DYNC2H1: variants seen among roughly 807,000 people sequenced by gnomAD.
DYNC2H1 encodes dynein cytoplasmic 2 heavy chain 1.
DYNC2H1 carries 410 observed loss-of-function variants against 570.0 expected under a neutral mutation model. The ratio of observed to expected loss-of-function variants is 0.72; its 90% CI spans 0.66 to 0.78. DYNC2H1 has a LOEUF of 0.78. DYNC2H1 is among the 30% of genes least tolerant of loss of function. The pLI, the probability that DYNC2H1 is intolerant of heterozygous loss-of-function variation, is 0.00. For missense variants in DYNC2H1, 4,865 were observed against 5,046.4 expected, an observed-to-expected ratio of 0.96 and a Z score of 1.09; for synonymous variants, 1,688 against 1,677.6, an observed-to-expected ratio of 1.01 and a Z score of -0.15.
chr11:103,360,317 G>A (rs772706063), intron 83 of DYNC2H1, among the ~76,000 whole-genome samples: 7 of 152,040 alleles, frequency 4.6e-5, no homozygotes, highest in South Asian at 2.1e-4. Flanking sequence ...AGCCAGACCG[G>A]TGGGGTTCAA....
intron 18 of DYNC2H1, among the ~76,000 whole-genome samples, chr11:103,146,688 T>C (rs2134846855): frequency 6.6e-6 from 1 of 151,498 alleles, no homozygotes; most frequent in African/African-American, 2.4e-5. Flanking sequence ...CTGCAACCCC[T>C]GCCTTCTGGG....
At chr11:103,374,972 A>T in intron 83 of DYNC2H1, among the ~76,000 whole-genome samples, 1 of 152,206 alleles carries the variant, frequency 6.6e-6, no homozygotes, top group East Asian at 1.9e-4. Context: ...AGAGACCTTC[A>T]TGGCAGCCCC....
At chr11:103,251,390 TTTTG>T (rs1166149495) in intron 65 of DYNC2H1, among the ~76,000 whole-genome samples, 1 of 145,436 alleles carries the variant, frequency 6.9e-6, no homozygotes, top group Non-Finnish European at 1.5e-5. Flanking sequence ...CTTTCAACTT[TTTTG>T]TTGGGTTTTT....
At chr11:103,346,775 A>G (rs572549473) in intron 82 of DYNC2H1, among the ~76,000 whole-genome samples, 57 of 152,322 alleles carry the variant, frequency 3.7e-4, no homozygotes, top group African/African-American at 1.3e-3. Context: ...AAAAGTTGAT[A>G]CAACTCTTCC....
intron 84 of DYNC2H1, chr11:103,402,063 G>A (rs1366705916): frequency 6.6e-6 from 1 of 152,118 alleles, no homozygotes; most frequent in East Asian, 1.9e-4. Flanking sequence ...AGATTTATAG[G>A]AGGGTGAAGT....
At chr11:103,473,470 C>G (rs1285125505) in intron 88 of DYNC2H1, among the ~76,000 whole-genome samples, 1 of 151,996 alleles carries the variant, frequency 6.6e-6, no homozygotes, top group African/African-American at 2.4e-5. Flanking sequence ...TTAGCTTTTT[C>G]CAGTGCATTT....
At chr11:103,190,577 T>C (rs927742496) in intron 45 of DYNC2H1, among the ~76,000 whole-genome samples, 6 of 152,148 alleles carry the variant, frequency 3.9e-5, no homozygotes, top group Admixed American at 3.9e-4. Flanking sequence ...TCTTCTTAGA[T>C]AAAGGGAATA....
chr11:103,245,960 C>T lies in DYNC2H1; in HGVS notation c.10042+586C>T, dbSNP rs1014968352. 6.6e-6 allele frequency among the ~76,000 whole-genome samples: 1 copy of T among 152,056 alleles called. No homozygotes were observed. Among genetic ancestry groups the T allele is most frequent in the Non-Finnish European group, 1.5e-5 (1 of 67,982 alleles). ...TACGTACGTGAATGTATGCCACATA[C>T]GTTGCTAGCACAGCAAACTTTAAAT... On this transcript the variant is annotated intron_variant, in intron 65 of 88. Coordinates refer to ENST00000375735, the MANE Select transcript of DYNC2H1 (RefSeq NM_001377.3). This position sits in a 1 kb window ranked among gnomAD's most constrained non-coding sequence, Gnocchi z 4.5.
intron 83 of DYNC2H1, among the ~76,000 whole-genome samples, chr11:103,371,365 A>G (rs1192858865): frequency 6.6e-6 from 1 of 152,190 alleles, no homozygotes; most frequent in Admixed American, 6.5e-5. Context: ...AGGTAGAGAA[A>G]GAGATAGAGG....
chr11:103,408,386 A>T (rs1390087216), intron 84 of DYNC2H1: 1 of 152,060 alleles, frequency 6.6e-6, no homozygotes, highest in Non-Finnish European at 1.5e-5. Flanking sequence ...TATTGTTAAG[A>T]AGAGGAGTTG....
At chr11:103,409,586 C>T (rs117342740) in intron 84 of DYNC2H1, 3,005 of 152,456 alleles carry the variant, frequency 0.02, 43 homozygotes, top group Non-Finnish European at 0.032. Flanking sequence ...GGTACGTAGA[C>T]GGCTAGGCTT....
At position 103,334,002 on chromosome 11, in the gene DYNC2H1, C is replaced by T. The variant is rs1938976898; in HGVS notation, c.12039+10012C>T. On this transcript the variant is annotated intron_variant, in intron 82 of 88. Transcript: ENST00000375735. The surrounding 1 kb of genome is among the most constrained non-coding windows in gnomAD (Gnocchi z 4.3). Reference sequence around the variant, plus strand: ...TTTAAATGTTTGCATTTGTTAATAACGATTCAGTGATGGCACATTCTCTAG... The same window carrying T: ...TTTAAATGTTTGCATTTGTTAATAATGATTCAGTGATGGCACATTCTCTAG... Among the ~76,000 whole-genome samples, 1 of 151,920 alleles carries T rather than the reference C, an allele frequency of 6.6e-6. No homozygotes were observed. Among genetic ancestry groups the T allele is most frequent in the South Asian group, 2.1e-4 (1 of 4,824 alleles).
intron 70 of DYNC2H1, among the ~76,000 whole-genome samples, chr11:103,266,259 T>G (rs1344375913): frequency 6.6e-6 from 1 of 151,922 alleles, no homozygotes; most frequent in Non-Finnish European, 1.5e-5. Flanking sequence ...CCTTTCTGCT[T>G]GCATTAACCA....
chr11:103,165,089 G>T (rs1332659705), intron 30 of DYNC2H1, among the ~76,000 whole-genome samples: 2 of 152,078 alleles, frequency 1.3e-5, no homozygotes, highest in Non-Finnish European at 2.9e-5. Context: ...TTACTAGTTG[G>T]CTTTCTTTTC....
chr11:103,393,124 T>G (rs1322393953), intron 83 of DYNC2H1, among the ~76,000 whole-genome samples: 3 of 152,194 alleles, frequency 2.0e-5, no homozygotes, highest in African/African-American at 7.2e-5. Flanking sequence ...CCTCAGGTGA[T>G]CCACACACCT....
At chr11:103,309,750 T>C (rs1867488413) in intron 78 of DYNC2H1, among the ~76,000 whole-genome samples, 1 of 152,116 alleles carries the variant, frequency 6.6e-6, no homozygotes, top group African/African-American at 2.4e-5. Context: ...AGGGGGTATT[T>C]TTTTTTGCTT....
intron 1 of DYNC2H1, among the ~76,000 whole-genome samples, chr11:103,112,679 T>C (rs1858170386): frequency 6.6e-6 from 1 of 152,206 alleles, no homozygotes; most frequent in Non-Finnish European, 1.5e-5. Flanking sequence ...AATGTAATTA[T>C]TTGGATAGAA....
chr11:103,111,347 A>G (rs913063729), intron 1 of DYNC2H1, among the ~76,000 whole-genome samples: 1 of 152,234 alleles, frequency 6.6e-6, no homozygotes. Flanking sequence ...AGTACTTTAT[A>G]TGTATTCGTT....
At chr11:103,426,288 G>A (rs1943670000) in intron 84 of DYNC2H1, among the ~76,000 whole-genome samples, 1 of 152,172 alleles carries the variant, frequency 6.6e-6, no homozygotes, top group Admixed American at 6.5e-5. Context: ...GAGGCTCTCA[G>A]CTCTGAAGGC....
Sources: gnomAD v4.1 joint callset for allele counts (sites outside exome capture counted in the v4.1 genomes callset) on GRCh38, gnomAD v4.1.1 for gene constraint, Gnocchi (gnomAD v3.1) non-coding constraint, MANE v1.5 for transcripts, NCBI Gene and HGNC (gene_info 2026-07-23, HGNC 2026-07-21) for gene names.